MAP3K1: variants seen among roughly 807,000 people sequenced by gnomAD.
MAP3K1 encodes the protein MAP/ERK kinase kinase 1.
MAP3K1 carries 36 observed loss-of-function variants against 144.2 expected under a neutral mutation model. The observed-to-expected ratio is 0.25, with a 90% CI of 0.19 to 0.33. MAP3K1 has a LOEUF of 0.33. Among genes scored for constraint, MAP3K1 ranks in the 10% least tolerant of loss-of-function variants. The pLI is 1.00. For synonymous variants in MAP3K1, 718 were observed against 688.7 expected (o/e 1.04, Z -0.67); for missense variants, 1,650 against 1,881.9 (o/e 0.88, Z 2.28).
chr5:56,828,967 G>T (rs79953845), intron 1 of MAP3K1, among the ~76,000 whole-genome samples: 1 of 151,826 alleles, frequency 6.6e-6, no homozygotes, highest in East Asian at 1.9e-4. Context: ...TTATATTTTG[G>T]GGGTTTTTTC....
chr5:56,872,127 G>A lies in MAP3K1; in HGVS notation c.1423+96G>A, dbSNP rs745464502. On this transcript the variant is annotated intron_variant, in intron 7 of 19. Coordinates refer to ENST00000399503, the MANE Select transcript of MAP3K1 (RefSeq NM_005921.2). Reference sequence around the variant, plus strand: ...GTGTAACATGGCTTGAGGGGAAATTGGTGAGAGAATAAAAAAAGTATATCT... The same window carrying A: ...GTGTAACATGGCTTGAGGGGAAATTAGTGAGAGAATAAAAAAAGTATATCT... 127 of 1,509,850 alleles carry A rather than the reference G, an allele frequency of 8.4e-5. 1 individual carries two copies. Among genetic ancestry groups the A allele is most frequent in the Non-Finnish European group, 1.1e-4 (123 of 1,090,444 alleles). 93.5% of individuals were successfully genotyped at this position (1,509,850 alleles called of 1,614,324 possible).
In MAP3K1 at chr5:56,815,737, C is replaced by T. The variant is rs890879399; in HGVS notation, c.164C>T (p.Ala55Val). ...REAGSGGRER[A>V]DWRRRQLRKV... is the part of the protein sequence containing the mutation. ...GCGGGCAGCGGGGGCCGCGAGCGGGCGGACTGGCGGCGGCGGCAGCTGCGC... is the reference window on the plus strand; with the variant it reads ...GCGGGCAGCGGGGGCCGCGAGCGGGTGGACTGGCGGCGGCGGCAGCTGCGC... The change falls in exon 1 of 20, where the codon GCG becomes GTG. Residue 55 changes from alanine to valine, a missense_variant. Coordinates refer to ENST00000399503, the MANE Select transcript of MAP3K1 (RefSeq NM_005921.2). 21 of 1,347,982 alleles carry T rather than the reference C, an allele frequency of 1.6e-5. No homozygotes were observed. The highest frequency in any genetic ancestry group is 1.9e-5 in the Non-Finnish European group (20 of 1,047,614). 83.5% of individuals were successfully genotyped at this position (1,347,982 alleles called of 1,614,324 possible).
intron 4 of MAP3K1, 72 bp from the exon 5 acceptor site, chr5:56,865,268 A>G: frequency 1.1e-6 from 1 of 903,568 alleles, no homozygotes; most frequent in Non-Finnish European, 1.8e-6. Flanking sequence ...AAATATTGTA[A>G]AAGTGATAAA....
In MAP3K1 at chr5:56,882,840, G is replaced by T. The variant is rs535346292; in HGVS notation, c.3640G>T (p.Glu1214Ter). The change falls in exon 14 of 20, where the codon GAA becomes TAA. Residue 1214 changes from glutamate to a stop codon, truncating the protein, a stop_gained. Transcript: ENST00000399503. LOFTEE classifies it high-confidence loss of function. The stretch of plus-strand genomic sequence containing the variant: ...TCCTCAGCTGCAGGTTGAAAATGGA[G>T]AAGATATCATCATTATTCAACAGGA... ...IVPQLQVENG[E>*]DIIIIQQDTP... 1 of 1,611,322 alleles carries T rather than the reference G, an allele frequency of 6.2e-7. No homozygotes were observed. Among genetic ancestry groups the T allele is most frequent in the Admixed American group, 1.7e-5 (1 of 59,964 alleles).
intron 10 of MAP3K1, among the ~76,000 whole-genome samples, chr5:56,876,718 C>A (rs1006989519): frequency 6.6e-6 from 1 of 152,146 alleles, no homozygotes; most frequent in Non-Finnish European, 1.5e-5. Flanking sequence ...AGTTTTCTCA[C>A]CCATAAAATA....
At chr5:56,853,674 A>G (rs1039541646) in intron 1 of MAP3K1, among the ~76,000 whole-genome samples, 1 of 152,224 alleles carries the variant, frequency 6.6e-6, no homozygotes, top group Non-Finnish European at 1.5e-5. Flanking sequence ...AAATTGGGAA[A>G]GTCTCTGAGG....
intron 1 of MAP3K1, among the ~76,000 whole-genome samples, chr5:56,823,696 A>G (rs1746223076): frequency 6.6e-6 from 1 of 152,238 alleles, no homozygotes; most frequent in Non-Finnish European, 1.5e-5. Context: ...ATGGTGTTTC[A>G]ACACTGTAGA....
intron 6 of MAP3K1, among the ~76,000 whole-genome samples, chr5:56,871,504 A>G (rs925906886): frequency 3.3e-5 from 5 of 152,186 alleles, no homozygotes; most frequent in Non-Finnish European, 7.4e-5. Context: ...ATTTAAATTT[A>G]GGATGTGGAA....
At chr5:56,831,314 A>G (rs1042629525) in intron 1 of MAP3K1, among the ~76,000 whole-genome samples, 1 of 151,906 alleles carries the variant, frequency 6.6e-6, no homozygotes, top group Non-Finnish European at 1.5e-5. Flanking sequence ...TCCCACCTGC[A>G]GGATTAGGAA....
At chr5:56,822,846 G>A (rs1746194761) in intron 1 of MAP3K1, among the ~76,000 whole-genome samples, 1 of 152,060 alleles carries the variant, frequency 6.6e-6, no homozygotes, top group African/African-American at 2.4e-5. Flanking sequence ...TCATTAAATG[G>A]CAGAACCAGA....
chr5:56,842,296 A>G (rs1329576271), intron 1 of MAP3K1: 1 of 152,272 alleles, frequency 6.6e-6, no homozygotes, highest in Non-Finnish European at 1.5e-5. Flanking sequence ...ATAACAGCAT[A>G]GTGGAGGAGG....
Position 56,815,614 on chromosome 5 carries a change from T to G in MAP3K1, c.41T>G (p.Phe14Cys). 1.5e-6 allele frequency: 2 copies of G among 1,309,630 alleles called. No homozygotes were observed. Among genetic ancestry groups the G allele is most frequent in the Non-Finnish European group, 1.9e-6 (2 of 1,030,254 alleles). The allele number at this position is 1,309,630 out of a possible 1,614,324, so 81.1% of individuals were successfully genotyped here. ...AAGNRASSSG[F>C]PGARATSPEA... Reference sequence around the variant, plus strand: ...GGGAATCGCGCCTCGTCGTCGGGATTCCCGGGCGCCAGGGCTACGAGCCCT... The same window carrying G: ...GGGAATCGCGCCTCGTCGTCGGGATGCCCGGGCGCCAGGGCTACGAGCCCT... Residue 14 changes from phenylalanine to cysteine, a missense_variant, in exon 1 of 20, where the codon TTC becomes TGC. Physicochemically the swap from Phe to Cys is radical, Grantham distance 205 (BLOSUM62 -2). Transcript: ENST00000399503.
intron 1 of MAP3K1, among the ~76,000 whole-genome samples, chr5:56,827,761 G>C (rs927856348): frequency 6.6e-6 from 1 of 152,146 alleles, no homozygotes; most frequent in Non-Finnish European, 1.5e-5. Context: ...CTTCTTGGGA[G>C]GCTGAGGCAG....
Position 56,815,764 on chromosome 5 carries a change from A to C in MAP3K1, c.191A>C (p.Lys64Thr), listed in dbSNP as rs1388884445. Reference sequence around the variant, plus strand: ...GACTGGCGGCGGCGGCAGCTGCGCAAAGTGCGGAGTGTGGAGCTGGACCAG... The same window carrying C: ...GACTGGCGGCGGCGGCAGCTGCGCACAGTGCGGAGTGTGGAGCTGGACCAG... Reference protein sequence around the residue: ...RADWRRRQLRKVRSVELDQLP... With the variant: ...RADWRRRQLRTVRSVELDQLP... Residue 64 changes from lysine to threonine, a missense_variant, in exon 1 of 20, where the codon AAA becomes ACA. This residue lies in a region of MAP3K1 where 360 missense variants were observed against 274.7 expected (regional missense o/e 1.31). Transcript: ENST00000399503. The C allele has an allele frequency of 7.2e-7, 1 of 1,382,914 alleles. No individual in the cohort carries two copies. The highest frequency in any genetic ancestry group is 9.4e-7 in the Non-Finnish European group (1 of 1,064,256). 85.7% of individuals were successfully genotyped at this position (1,382,914 alleles called of 1,614,324 possible).
intron 3 of MAP3K1, chr5:56,862,109 CTT>C (rs2111882302): frequency 6.6e-6 from 1 of 152,246 alleles, no homozygotes; most frequent in South Asian, 2.1e-4. Context: ...GCAGGGGTGG[CTT>C]ATCTCTGTTC....
intron 1 of MAP3K1, among the ~76,000 whole-genome samples, chr5:56,830,892 T>A: frequency 6.6e-6 from 1 of 151,990 alleles, no homozygotes; most frequent in East Asian, 1.9e-4. Context: ...ACTGTTTTTT[T>A]TTTAAATACC....
At chr5:56,866,552 G>A (rs1747680692) in intron 6 of MAP3K1, among the ~76,000 whole-genome samples, 1 of 152,120 alleles carries the variant, frequency 6.6e-6, no homozygotes, top group Non-Finnish European at 1.5e-5. Context: ...TTGCTTTATT[G>A]GTTTTAGTGT....
At chr5:56,840,692 T>G (rs941161977) in intron 1 of MAP3K1, among the ~76,000 whole-genome samples, 1 of 152,132 alleles carries the variant, frequency 6.6e-6, no homozygotes, top group African/African-American at 2.4e-5. Flanking sequence ...AAGTCAGCTG[T>G]GTGGCTACAG....
At chr5:56,886,633 G>A (rs967323502) in intron 17 of MAP3K1, among the ~76,000 whole-genome samples, 8 of 152,108 alleles carry the variant, frequency 5.3e-5, no homozygotes, top group African/African-American at 1.9e-4. Flanking sequence ...TCCCTGTCTT[G>A]GCCTCATGAT....
Sources: allele counts gnomAD v4.1 joint callset (sites outside exome capture counted in the v4.1 genomes callset), GRCh38; gene constraint gnomAD v4.1.1; regional missense constraint gnomAD v4.1.1; transcripts MANE v1.5; gene names NCBI Gene and HGNC (gene_info 2026-07-23, HGNC 2026-07-21).